The following CCDC80 variants were observed in gnomAD, a reference collection of about 807,000 sequenced individuals.
The protein encoded by CCDC80 is coiled-coil domain containing 80, also known as coiled-coil domain-containing protein 80.
A neutral mutation model predicts 78.7 loss-of-function variants in CCDC80; 49 were observed. That is an observed-to-expected ratio of 0.62 (90% confidence interval 0.50 to 0.79). The LOEUF (loss-of-function observed/expected upper bound fraction) is 0.79. CCDC80 is among the 30% of genes least tolerant of loss of function. The pLI is 0.00. For synonymous variants in CCDC80, 488 were observed against 447.0 expected (o/e 1.09, Z -1.16); for missense variants, 1,205 against 1,198.6 (o/e 1.01, Z -0.08).
At chr3:112,627,040 C>T (rs2107487671) in intron 3 of CCDC80, among the ~76,000 whole-genome samples, 1 of 152,256 alleles carries the variant, frequency 6.6e-6, no homozygotes, top group Admixed American at 6.5e-5. Flanking sequence ...TGTATTCTAG[C>T]TCTTAAAATT....
At chr3:112,636,691 A>T (rs191042463) in intron 2 of CCDC80, among the ~76,000 whole-genome samples, 14 of 151,334 alleles carry the variant, frequency 9.3e-5, no homozygotes, top group Admixed American at 2.0e-4. Context: ...CCTCTAAAAA[A>T]TGCCTTGAGA....
chr3:112,625,912 T>C (rs1559879178), intron 3 of CCDC80, among the ~76,000 whole-genome samples: 1 of 152,202 alleles, frequency 6.6e-6, no homozygotes, highest in Non-Finnish European at 1.5e-5. Context: ...CTAGTCATTA[T>C]TCTATCAAAA....
In CCDC80 at chr3:112,630,222, A is replaced by T. The variant is rs750552119; in HGVS notation, c.1926T>A (p.Arg642=). Residue 642 remains arginine, a synonymous_variant, in exon 3 of 8, where the codon CGT becomes CGA. Transcript: ENST00000206423. ...TGCAGAAACTTTCCAGATATTCATC[A>T]CGTTGTTGCACATACATATTGTTCT... ...KAENNMYVQQ[R]DEYLESFCKM... 4.4e-5 allele frequency: 71 copies of T among 1,613,806 alleles called. No homozygotes were observed. The highest frequency in any genetic ancestry group is 5.9e-5 in the Non-Finnish European group (70 of 1,179,840).
In CCDC80 at chr3:112,630,215, A is replaced by C. The variant is rs1475140233; in HGVS notation, c.1933T>G (p.Tyr645Asp). 2 of 1,613,924 alleles carry C rather than the reference A, an allele frequency of 1.2e-6. No homozygotes were observed. Among genetic ancestry groups the C allele is most frequent in the Non-Finnish European group, 1.7e-6 (2 of 1,179,826 alleles). ...NNMYVQQRDE[Y>D]LESFCKMATR... ...GCCATCTTGCAGAAACTTTCCAGAT[A>C]TTCATCACGTTGTTGCACATACATA... The change falls in exon 3 of 8, where the codon TAT (tyrosine) becomes GAT (aspartate). Residue 645 changes from tyrosine (Y) to aspartate (D), a missense_variant. Coordinates refer to ENST00000206423, the MANE Select transcript of CCDC80 (RefSeq NM_199511.3).
chr3:112,612,724 C>G (rs906585895), intron 5 of CCDC80, among the ~76,000 whole-genome samples: 3 of 152,046 alleles, frequency 2.0e-5, no homozygotes, highest in African/African-American at 7.2e-5. Flanking sequence ...GTGATTATAC[C>G]CTGAACCAAA....
In CCDC80 at chr3:112,597,966, C is replaced by T. The variant is rs1051536079; in HGVS notation, c.*7451G>A. ...AAGTACATATAGAATAGTATAAATA[C>T]AATAAATGTTTGAATTATCGTATAA... On this transcript the variant is annotated 3_prime_UTR_variant, in exon 8 of 8. Transcript: ENST00000206423. 6.6e-6 allele frequency: 1 copy of T among 152,146 alleles called. No homozygotes were observed. Among genetic ancestry groups the T allele is most frequent in the African/African-American group, 2.4e-5 (1 of 41,428 alleles). The allele number at this position is 152,146 out of a possible 1,614,324, so 9.4% of individuals were successfully genotyped here. A position where few individuals can be genotyped will look rare whatever the true frequency, so the allele number is the denominator to read the frequency against.
rs1935361752 is a variant in CCDC80 at position 112,600,847 on chromosome 3, T to C, written c.*4570A>G. Reference sequence around the variant, plus strand: ...TTTCCTGAAGTTGACATGATTTGGGTCCTTTACTTAGAAATTGTCATCACA... The same window carrying C: ...TTTCCTGAAGTTGACATGATTTGGGCCCTTTACTTAGAAATTGTCATCACA... On this transcript the variant is annotated 3_prime_UTR_variant, in exon 8 of 8. Coordinates refer to ENST00000206423, the MANE Select transcript of CCDC80 (RefSeq NM_199511.3). 6.6e-6 allele frequency: 1 copy of C among 152,156 alleles called. No individual in the cohort carries two copies. The highest frequency in any genetic ancestry group is 2.4e-5 in the African/African-American group (1 of 41,432). 9.4% of individuals were successfully genotyped at this position (152,156 alleles called of 1,614,324 possible). A position where few individuals can be genotyped will look rare whatever the true frequency, so the allele number is the denominator to read the frequency against.
chr3:112,607,401 T>A (rs1935535477), intron 6 of CCDC80, 145 bp from the exon 7 acceptor site: 5 of 508,648 alleles, frequency 9.8e-6, no homozygotes, highest in Non-Finnish European at 1.7e-5. Context: ...TAATCCATTT[T>A]AAATTTTTAC....
At position 112,601,677 on chromosome 3, in the gene CCDC80, C is replaced by CAAAAAAAAAAAA. The variant is rs71633304; in HGVS notation, c.*3739_*3740insTTTTTTTTTTTT. On this transcript the variant is annotated 3_prime_UTR_variant, in exon 8 of 8. Coordinates refer to ENST00000206423, the MANE Select transcript of CCDC80 (RefSeq NM_199511.3). ...CTGGGTGACAGAGTGAGACCCTCTC[C>CAAAAAAAAAAAA]AAAAAAAGAAAAAAAAAAAGAGAAA... 9 of 86,320 alleles carry CAAAAAAAAAAAA rather than the reference C, an allele frequency of 1.0e-4. 1 individual carries two copies. Among genetic ancestry groups the CAAAAAAAAAAAA allele is most frequent in the Middle Eastern group, 5.1e-3 (1 of 198 alleles). The allele number at this position is 86,320 out of a possible 1,614,324, so 5.3% of individuals were successfully genotyped here.
chr3:112,627,195 A>G (rs901647780), intron 3 of CCDC80, among the ~76,000 whole-genome samples: 1 of 152,122 alleles, frequency 6.6e-6, no homozygotes, highest in Non-Finnish European at 1.5e-5. Context: ...ATCTGACAAA[A>G]TTTGTCTGTA....
At position 112,597,090 on chromosome 3, in the gene CCDC80, C is replaced by T. The variant is rs946852604; in HGVS notation, c.*8327G>A. 1 of 152,172 alleles carries T rather than the reference C, an allele frequency of 6.6e-6. No homozygotes were observed. Among genetic ancestry groups the T allele is most frequent in the African/African-American group, 2.4e-5 (1 of 41,450 alleles). The allele number at this position is 152,172 out of a possible 1,614,324, so 9.4% of individuals were successfully genotyped here. On this transcript the variant is annotated 3_prime_UTR_variant, in exon 8 of 8. Coordinates refer to ENST00000206423, the MANE Select transcript of CCDC80 (RefSeq NM_199511.3). ...GAAACCATCATTAAAGAAACTGACC[C>T]TGGTGATCACCAGAGTAGTTTCAGA...
Position 112,639,087 on chromosome 3 carries a change from C to A in CCDC80, c.819G>T (p.Arg273Ser), listed in dbSNP as rs1936280798. 6.2e-7 allele frequency: 1 copy of A among 1,613,830 alleles called. No individual in the cohort carries two copies. Among genetic ancestry groups the A allele is most frequent in the African/African-American group, 1.3e-5 (1 of 75,048 alleles). Residue 273 changes from arginine (R) to serine (S), a missense_variant, in exon 2 of 8, where the codon AGG (arginine) becomes AGT (serine). Physicochemically the swap from Arg to Ser is moderately radical, Grantham distance 110. Transcript: ENST00000206423. ...QGPIRRIEKI[R>S]QKGFVQKCKA... Reference sequence around the variant, plus strand: ...TACATTTCTGGACAAAGCCCTTCTGCCTGATCTTCTCGATCCTACGGATGG... The same window carrying A: ...TACATTTCTGGACAAAGCCCTTCTGACTGATCTTCTCGATCCTACGGATGG...
At position 112,639,602 on chromosome 3, in the gene CCDC80, C is replaced by T. The variant is rs934004257; in HGVS notation, c.304G>A (p.Val102Met). ...PARSDINGAA[V>M]RPEQRPAARG... is the part of the protein sequence containing the mutation. ...GCTGCTGGTCTTTGCTCAGGTCTCA[C>T]GGCGGCCCCATTGATGTCCGAGCGG... is the stretch of plus-strand genomic sequence containing the variant. The change falls in exon 2 of 8, where the codon GTG (valine) becomes ATG (methionine). Residue 102 changes from valine (V) to methionine (M), a missense_variant. Val to Met is a conservative substitution (Grantham distance 21). Transcript: ENST00000206423. 51 of 1,614,146 alleles carry T rather than the reference C, an allele frequency of 3.2e-5. No homozygotes were observed. The highest frequency in any genetic ancestry group is 5.5e-5 in the South Asian group (5 of 91,088).
At chr3:112,634,141 T>TG (rs1936159993) in intron 2 of CCDC80, among the ~76,000 whole-genome samples, 1 of 151,634 alleles carries the variant, frequency 6.6e-6, no homozygotes, top group Non-Finnish European at 1.5e-5. Flanking sequence ...AATGCTAGAT[T>TG]TTTTTTTACA....
At position 112,630,269 on chromosome 3, in the gene CCDC80, G is replaced by C; in HGVS notation, c.1879C>G (p.Leu627Val). The change falls in exon 3 of 8, where the codon CTG becomes GTG. Residue 627 changes from leucine (L) to valine (V), a missense_variant and splice_region_variant. Physicochemically the swap from Leu to Val is conservative, Grantham distance 32. Transcript: ENST00000206423. ...TTCTCAGCCTTGGGAGCAGTGATCA[G>C]CTGGAGGTGGGTGAAGACAAACAAA... ...GSFEGKRRLL[L>V]ITAPKAENNM... The C allele has an allele frequency of 6.2e-7, 1 of 1,613,522 alleles. No homozygotes were observed. Among genetic ancestry groups the C allele is most frequent in the Non-Finnish European group, 8.5e-7 (1 of 1,179,554 alleles).
chr3:112,628,516 C>G (rs1464496285), intron 3 of CCDC80, among the ~76,000 whole-genome samples: 1 of 152,140 alleles, frequency 6.6e-6, no homozygotes, highest in Non-Finnish European at 1.5e-5. Context: ...ACTGGCATTT[C>G]TGTATACTAT....
chr3:112,607,108 A>C, intron 7 of CCDC80, 68 bp downstream of exon 7: 1 of 1,179,524 alleles, frequency 8.5e-7, no homozygotes, highest in Non-Finnish European at 1.2e-6. Flanking sequence ...CACTGCTTGC[A>C]TATAACTTAA....
At chr3:112,623,144 C>CTAG (rs1279115751) in intron 3 of CCDC80, among the ~76,000 whole-genome samples, 1 of 152,126 alleles carries the variant, frequency 6.6e-6, no homozygotes, top group Middle Eastern at 3.2e-3. Flanking sequence ...AGGTCTGGCC[C>CTAG]TAGTAGTAAG....
chr3:112,637,971 G>C, intron 2 of CCDC80, 57 bp downstream of exon 2: 1 of 1,541,260 alleles, frequency 6.5e-7, no homozygotes, highest in Non-Finnish European at 8.7e-7. Flanking sequence ...TAACAAGACA[G>C]ACGTTAACAT....
Sources: allele counts gnomAD v4.1 joint callset (sites outside exome capture counted in the v4.1 genomes callset), GRCh38; gene constraint gnomAD v4.1.1; transcripts MANE v1.5; gene names NCBI Gene and HGNC (gene_info 2026-07-23, HGNC 2026-07-21).